PRDM11: variants seen among roughly 807,000 people sequenced by gnomAD.
PRDM11 encodes PR/SET domain 11, also known as PR domain-containing protein 11.
In PRDM11, 20 loss-of-function variants were observed where a neutral mutation model predicts 97.8. The ratio of observed to expected loss-of-function variants is 0.20; its 90% confidence interval spans 0.14 to 0.30. The LOEUF is 0.30. Among genes scored for constraint, PRDM11 ranks in the 10% least tolerant of loss-of-function variants. PRDM11 has a pLI of 1.00. For missense variants in PRDM11, 1,139 were observed against 1,555.2 expected (o/e 0.73, Z 4.50); for synonymous variants, 599 against 637.7 (o/e 0.94, Z 0.91).
At chr11:45,197,907 A>C (rs1853185979) in intron 4 of PRDM11, among the ~76,000 whole-genome samples, 1 of 152,116 alleles carries the variant, frequency 6.6e-6, no homozygotes, top group South Asian at 2.1e-4. Context: ...GCATTAGGAG[A>C]TATACCTAAT....
intron 2 of PRDM11, 82 bp downstream of exon 2, chr11:45,181,967 A>ACG (rs1475812921): frequency 2.4e-6 from 3 of 1,269,808 alleles, no homozygotes; most frequent in Non-Finnish European, 3.3e-6. Flanking sequence ...ACCCTGGGAA[A>ACG]CGTTCTCACT....
intron 1 of PRDM11, among the ~76,000 whole-genome samples, chr11:45,124,861 G>A (rs1188952275): frequency 6.6e-6 from 1 of 152,208 alleles, no homozygotes; most frequent in Non-Finnish European, 1.5e-5. Context: ...CATAAAATGA[G>A]TTAGGGAGGA....
chr11:45,120,912 G>T (rs959683032), intron 1 of PRDM11, among the ~76,000 whole-genome samples: 2 of 152,132 alleles, frequency 1.3e-5, no homozygotes, highest in African/African-American at 4.8e-5. Flanking sequence ...GAGTTAAACT[G>T]TTGTAAGGTT....
intron 7 of PRDM11, 111 bp from the exon 8 acceptor site, chr11:45,225,884 C>T: frequency 7.5e-7 from 1 of 1,330,730 alleles, no homozygotes. Flanking sequence ...CTTCCACGGA[C>T]TTCTGTTTCC....
intron 1 of PRDM11, among the ~76,000 whole-genome samples, chr11:45,101,444 C>T (rs1308306449): frequency 6.6e-5 from 10 of 151,756 alleles, no homozygotes; most frequent in Admixed American, 6.6e-4. Flanking sequence ...TAGTCCCAGC[C>T]ACTCAGGAGG....
intron 1 of PRDM11, among the ~76,000 whole-genome samples, chr11:45,116,647 T>C (rs776548619): frequency 6.6e-6 from 1 of 152,152 alleles, no homozygotes; most frequent in Non-Finnish European, 1.5e-5. Context: ...TGCTTAGAAA[T>C]TTATAGCTAG....
chr11:45,173,578 C>T (rs943494189), intron 1 of PRDM11, among the ~76,000 whole-genome samples: 1 of 150,208 alleles, frequency 6.7e-6, no homozygotes, highest in African/African-American at 2.5e-5. Flanking sequence ...GCCGAGATCA[C>T]GCCACTGCAT....
intron 1 of PRDM11, among the ~76,000 whole-genome samples, chr11:45,102,727 C>T (rs566676938): frequency 6.6e-6 from 1 of 152,314 alleles, no homozygotes; most frequent in South Asian, 2.1e-4. Flanking sequence ...CTGTGCTGGC[C>T]GCCCTGGTGG....
Position 45,219,821 on chromosome 11 carries a change from T to G in PRDM11, c.742+64T>G. The G allele has an allele frequency of 6.7e-7, 1 of 1,501,336 alleles. No individual in the cohort carries two copies. Among genetic ancestry groups the G allele is most frequent in the Non-Finnish European group, 9.0e-7 (1 of 1,116,482 alleles). 93.0% of individuals were successfully genotyped at this position (1,501,336 alleles called of 1,614,324 possible). On this transcript the variant is annotated intron_variant, in intron 6 of 7. Coordinates refer to ENST00000683152, the MANE Select transcript of PRDM11 (RefSeq NM_001384648.1). The surrounding 1 kb of genome is among the most constrained non-coding windows in gnomAD (Gnocchi z 4.2). The stretch of plus-strand genomic sequence containing the variant: ...AGCCCCAGGGGAGGCCTGGATAGCT[T>G]GTTTTGGAGCTTCCTGAGAAATACG...
intron 1 of PRDM11, among the ~76,000 whole-genome samples, chr11:45,131,404 G>A (rs1468632247): frequency 6.6e-6 from 1 of 152,210 alleles, no homozygotes; most frequent in Non-Finnish European, 1.5e-5. Flanking sequence ...AAAATAGAAT[G>A]CTAACAAGGA....
intron 4 of PRDM11, among the ~76,000 whole-genome samples, chr11:45,188,738 T>G (rs1425598166): frequency 6.6e-6 from 1 of 152,186 alleles, no homozygotes; most frequent in African/African-American, 2.4e-5. Context: ...CTATTGGAAA[T>G]TATAAATGCT....
At chr11:45,120,395 T>C (rs913531473) in intron 1 of PRDM11, among the ~76,000 whole-genome samples, 6 of 152,004 alleles carry the variant, frequency 3.9e-5, no homozygotes, top group East Asian at 1.9e-4. Flanking sequence ...GCAGGATAGA[T>C]ACAATGTAAA....
chr11:45,116,185 A>G (rs1852299348), intron 1 of PRDM11, among the ~76,000 whole-genome samples: 1 of 152,196 alleles, frequency 6.6e-6, no homozygotes, highest in Non-Finnish European at 1.5e-5. Context: ...CAAAATGTAC[A>G]GTCATGTTTG....
At chr11:45,203,677 G>A (rs1481010569) in intron 4 of PRDM11, among the ~76,000 whole-genome samples, 1 of 150,280 alleles carries the variant, frequency 6.7e-6, no homozygotes, top group Non-Finnish European at 1.5e-5. Flanking sequence ...CTGGAGTGCA[G>A]TGGTGCCATC....
At chr11:45,217,157 C>T (rs1853979907) in intron 5 of PRDM11, among the ~76,000 whole-genome samples, 2 of 152,210 alleles carry the variant, frequency 1.3e-5, no homozygotes. Flanking sequence ...CCTAGACTCT[C>T]ACTAAATTGG....
At chr11:45,118,757 T>C (rs1289041544) in intron 1 of PRDM11, among the ~76,000 whole-genome samples, 1 of 152,248 alleles carries the variant, frequency 6.6e-6, no homozygotes, top group Non-Finnish European at 1.5e-5. Context: ...GGGTTAAGTA[T>C]GAATGACAAA....
intron 5 of PRDM11, chr11:45,208,879 T>G (rs899111581): frequency 2.3e-6 from 1 of 443,708 alleles, no homozygotes; most frequent in Non-Finnish European, 4.6e-6. Flanking sequence ...CCAAGGAATG[T>G]GGCACACCTG....
rs901289961 is a variant in PRDM11, at chr11:45,224,577, C to T, written c.1103C>T (p.Pro368Leu). 6.2e-6 allele frequency: 10 copies of T among 1,614,028 alleles called. No individual in the cohort carries two copies. Among genetic ancestry groups the T allele is most frequent in the African/African-American group, 1.3e-5 (1 of 74,996 alleles). The change falls in exon 7 of 8, where the codon CCC (proline) becomes CTC (leucine). Residue 368 changes from proline (P) to leucine (L), a missense_variant. By Grantham distance (98) the Pro-to-Leu change is moderately conservative. Around this residue, in one of 2 missense-constraint regions of PRDM11, gnomAD observed 429 missense variants for 510.3 expected, o/e 0.84. Coordinates refer to ENST00000683152, the MANE Select transcript of PRDM11 (RefSeq NM_001384648.1). ...CAGGGGGAGGGGGACTGGAAGGTCC[C>T]CCAGGGGGTCTCCAAGGAGCCAGGC... ...QTQGEGDWKV[P>L]QGVSKEPGQL...
chr11:45,180,753 AGCCCGCCCGCGCCCGCCCCGGCC>A (rs1195538547), intron 1 of PRDM11, among the ~76,000 whole-genome samples: 1 of 148,934 alleles, frequency 6.7e-6, no homozygotes, highest in Non-Finnish European at 1.5e-5. Context: ...AGAGGGGGAG[AGCCCGCCCGCGCCCGCCCCGGCC>A]GCAGCCTACA....
Sources: allele counts gnomAD v4.1 joint callset (sites outside exome capture counted in the v4.1 genomes callset), GRCh38; gene constraint gnomAD v4.1.1; regional missense constraint gnomAD v4.1.1; non-coding constraint Gnocchi (gnomAD v3.1); transcripts MANE v1.5; gene names NCBI Gene and HGNC (gene_info 2026-07-23, HGNC 2026-07-21).